The following MYH6 variants were observed in gnomAD, a reference collection of about 807,000 sequenced individuals.
MYH6 encodes myosin heavy chain 6.
In MYH6, 126 loss-of-function variants were observed where a neutral mutation model predicts 223.2. The observed-to-expected ratio is 0.56, with a 90% CI of 0.49 to 0.65. MYH6 has a LOEUF of 0.65. MYH6 is among the 30% of genes least tolerant of loss of function. The probability of loss-of-function intolerance (pLI) is 0.00; values close to 1 mark genes in which losing one functional copy is unlikely to be tolerated. For missense variants in MYH6, 2,040 were observed against 2,536.4 expected (o/e 0.80, Z 4.20); for synonymous variants, 978 against 1,010.2 (o/e 0.97, Z 0.61).
At position 23,394,177 on chromosome 14, in the gene MYH6, C is replaced by T; in HGVS notation, c.2576G>A (p.Gly859Glu). The T allele has an allele frequency of 6.2e-7, 1 of 1,614,228 alleles. No homozygotes were observed. Among genetic ancestry groups the T allele is most frequent in the Non-Finnish European group, 8.5e-7 (1 of 1,180,038 alleles). The change falls in exon 21 of 39, where the codon GGG becomes GAG. Residue 859 changes from glycine to glutamate, a missense_variant. By Grantham distance (98) the Gly-to-Glu change is moderately conservative. Around this residue, in one of 4 missense-constraint regions of MYH6, gnomAD observed 1,203 missense variants for 1,400.2 expected, o/e 0.86. Coordinates refer to ENST00000405093, the MANE Select transcript of MYH6 (RefSeq NM_002471.4). Reference protein sequence around the residue: ...KEMATMKEEFGRIKETLEKSE... With the variant: ...KEMATMKEEFERIKETLEKSE... The stretch of plus-strand genomic sequence containing the variant: ...CTTCTCCAGCGTCTCTTTGATGCGC[C>T]CGAACTCTTCCTTCATGGTGGCCAT...
Position 23,386,622 on chromosome 14 carries a change from G to A in MYH6, c.4652C>T (p.Ala1551Val), listed in dbSNP as rs1012836005. 6.2e-7 allele frequency: 1 copy of A among 1,608,366 alleles called. No homozygotes were observed. Among genetic ancestry groups the A allele is most frequent in the Non-Finnish European group, 8.5e-7 (1 of 1,176,028 alleles). ...CTTGCCCTCCTCGTGCTCCAGGGAG[G>A]CCTGGGAAGGGGTGGGGCGAGGGCG... ...ELQSALEEAEASLEHEEGKIL... is the reference protein window; with the variant it reads ...ELQSALEEAEVSLEHEEGKIL... The change falls in exon 33 of 39, where the codon GCC becomes GTC. Residue 1551 changes from alanine (A) to valine (V), a missense_variant and splice_region_variant. By Grantham distance (64) the Ala-to-Val change is moderately conservative. Coordinates refer to ENST00000405093, the MANE Select transcript of MYH6 (RefSeq NM_002471.4).
chr14:23,396,432 G>A lies in MYH6; in HGVS notation c.2293-12C>T, dbSNP rs115453571. On this transcript the variant is annotated splice_polypyrimidine_tract_variant and intron_variant, in intron 19 of 38. Transcript: ENST00000405093. ...GCCTTGAAGAACACCTGCAGGCAAG[G>A]GGTAGATGCAACAGGCCGCAGCCTC... is the stretch of plus-strand genomic sequence containing the variant. 5.0e-6 allele frequency: 8 copies of A among 1,613,330 alleles called. No individual in the cohort carries two copies. The African/African-American group carries it at 1.1e-4, about 21-fold the overall frequency.
intron 3 of MYH6, 88 bp downstream of exon 3, chr14:23,406,935 C>G: frequency 7.0e-7 from 1 of 1,436,418 alleles, no homozygotes. Flanking sequence ...TTCTCCAGCC[C>G]TCTCAGCTCC....
intron 7 of MYH6, 100 bp downstream of exon 7, chr14:23,404,611 G>T: frequency 8.1e-7 from 1 of 1,238,780 alleles, no homozygotes; most frequent in Non-Finnish European, 1.2e-6. Context: ...AGCTCAGTGT[G>T]GCTGTCCCCA....
intron 20 of MYH6, among the ~76,000 whole-genome samples, chr14:23,394,736 T>G (rs1390417100): frequency 1.3e-5 from 2 of 152,210 alleles, no homozygotes; most frequent in African/African-American, 4.8e-5. Context: ...CAGCCATTGA[T>G]CTACCTGTGC....
At position 23,393,928 on chromosome 14, in the gene MYH6, A is replaced by G. The variant is rs1289969263; in HGVS notation, c.2686-20T>C. ...TTGTTCCTGGGAGAAGAGAACAGGG[A>G]GGAAGCTGATGGTTAAAGAGAGGAG... On this transcript the variant is annotated intron_variant, in intron 21 of 38. Transcript: ENST00000405093. 1 of 1,614,010 alleles carries G rather than the reference A, an allele frequency of 6.2e-7. No individual in the cohort carries two copies.
At chr14:23,396,661 C>A in intron 19 of MYH6, 33 bp downstream of exon 19, 2 of 1,614,026 alleles carry the variant, frequency 1.2e-6, no homozygotes, top group Non-Finnish European at 1.7e-6. Flanking sequence ...TGGCCACCTG[C>A]CCTGCAACCA....
chr14:23,394,944 C>A (rs751099296), intron 20 of MYH6, among the ~76,000 whole-genome samples: 1 of 152,234 alleles, frequency 6.6e-6, no homozygotes, highest in Non-Finnish European at 1.5e-5. Context: ...CGGCTCACTG[C>A]AACCTCTGCC....
rs1890918376 is a variant in MYH6, at chr14:23,383,339, G to GGGGGGGGGGGCCCCC, written c.5566-20_5566-19insGGGGGCCCCCCCCCC. 9.2e-6 allele frequency: 1 copy of GGGGGGGGGGGCCCCC among 108,192 alleles called. No homozygotes were observed. Among genetic ancestry groups the GGGGGGGGGGGCCCCC allele is most frequent in the Non-Finnish European group, 1.8e-5 (1 of 54,376 alleles). 6.7% of individuals were successfully genotyped at this position (108,192 alleles called of 1,614,324 possible). A position where few individuals can be genotyped will look rare whatever the true frequency, so the allele number is the denominator to read the frequency against. ...CCTCTGTCTGGGGGTGGGAGGGTGGGAGAAGCTGGTTTGGAGGGGGAGCAA... is the reference window on the plus strand; with the variant it reads ...CCTCTGTCTGGGGGTGGGAGGGTGGGGGGGGGGGGGCCCCCAGAAGCTGGTTTGGAGGGGGAGCAA... On this transcript the variant is annotated intron_variant, in intron 36 of 38. Transcript: ENST00000405093.
chr14:23,403,526 G>T, intron 9 of MYH6, 80 bp from the exon 10 acceptor site: 1 of 1,287,282 alleles, frequency 7.8e-7, no homozygotes, highest in Non-Finnish European at 1.1e-6. Context: ...GGGGGCAGAG[G>T]GCAGGGGGCA....
chr14:23,403,162 G>A (rs2138616369), intron 10 of MYH6, among the ~76,000 whole-genome samples, 186 bp downstream of exon 10: 1 of 152,154 alleles, frequency 6.6e-6, no homozygotes, highest in East Asian at 1.9e-4. Context: ...GCACAGGGAG[G>A]CGAGAGGAGA....
At chr14:23,391,167 T>C (rs1891226421) in intron 25 of MYH6, among the ~76,000 whole-genome samples, 1 of 152,230 alleles carries the variant, frequency 6.6e-6, no homozygotes, top group African/African-American at 2.4e-5. Flanking sequence ...TTTGATCTGT[T>C]GTCTGGCTAG....
chr14:23,389,786 G>T (rs1891174962), intron 26 of MYH6, 67 bp from the exon 27 acceptor site: 1 of 1,612,474 alleles, frequency 6.2e-7, no homozygotes, highest in South Asian at 1.1e-5. Context: ...AGGAAGAGAG[G>T]GTCAGAGATG....
chr14:23,405,858 A>T lies in MYH6; in HGVS notation c.202-88T>A. The T allele has an allele frequency of 6.4e-7, 1 of 1,568,240 alleles. No individual in the cohort carries two copies. The highest frequency in any genetic ancestry group is 8.8e-7 in the Non-Finnish European group (1 of 1,139,648). ...CTGCCCACTGACCTCCTCCCAGGAC[A>T]CAGGGACTTGGCCTTGCTCCCCTTG... On this transcript the variant is annotated intron_variant, in intron 3 of 38. Transcript: ENST00000405093. This position sits in a 1 kb window ranked among gnomAD's most constrained non-coding sequence, Gnocchi z 4.7.
At chr14:23,393,085 T>G in intron 23 of MYH6, 28 bp from the exon 24 acceptor site, 1 of 1,613,976 alleles carries the variant, frequency 6.2e-7, no homozygotes, top group Non-Finnish European at 8.5e-7. Context: ...ATAAGCAAAG[T>G]GTGGAAAACA....
rs150015506 is a variant in MYH6 at position 23,404,807 on chromosome 14, C to T, written c.546G>A (p.Ala182=). ...QSILITGESG[A]GKTVNTKRVI... ...CACGCTTGGTGTTCACAGTCTTCCC[C>T]GCCCCGGATTCTCCCCTGGGGGCCA... Residue 182 remains alanine (A), a synonymous_variant, in exon 7 of 39, where the codon GCG becomes GCA. Coordinates refer to ENST00000405093, the MANE Select transcript of MYH6 (RefSeq NM_002471.4). 6.4e-5 allele frequency: 103 copies of T among 1,613,988 alleles called. No individual in the cohort carries two copies. Among genetic ancestry groups the T allele is most frequent in the African/African-American group, 9.3e-5 (7 of 74,878 alleles).
At chr14:23,383,180 A>G in intron 37 of MYH6, 45 bp downstream of exon 37, 4 of 1,503,964 alleles carry the variant, frequency 2.7e-6, no homozygotes, top group Non-Finnish European at 2.8e-6. Context: ...GTTCTCACAA[A>G]TAGTAGGTGT....
rs1891636570 is a variant in MYH6, at chr14:23,402,552, G to T, written c.1053C>A (p.Tyr351Ter). Residue 351 changes from tyrosine (Y) to a stop codon, truncating the protein, a stop_gained, in exon 12 of 39, where the codon TAC (tyrosine) becomes TAA (stop). Transcript: ENST00000405093. LOFTEE classifies it high-confidence loss of function. ...GFTSEEKAGV[Y>*]KLTGAIMHYG... is the part of the protein sequence containing the mutation. Reference sequence around the variant, plus strand: ...AGTGCATGATGGCTCCCGTCAGCTTGTAGACGCCAGCTTTCTCCTCTGAAG... The same window carrying T: ...AGTGCATGATGGCTCCCGTCAGCTTTTAGACGCCAGCTTTCTCCTCTGAAG... 1 of 1,613,760 alleles carries T rather than the reference G, an allele frequency of 6.2e-7. No individual in the cohort carries two copies. Among genetic ancestry groups the T allele is most frequent in the East Asian group, 2.2e-5 (1 of 44,776 alleles).
At chr14:23,392,730 T>C (rs1891271473) in intron 24 of MYH6, 78 bp from the exon 25 acceptor site, 2 of 1,451,482 alleles carry the variant, frequency 1.4e-6, no homozygotes, top group Non-Finnish European at 1.9e-6. Context: ...TTGGCCTTAG[T>C]ATGCCAGAAT....
Sources: allele counts gnomAD v4.1 joint callset (sites outside exome capture counted in the v4.1 genomes callset), GRCh38; gene constraint gnomAD v4.1.1; regional missense constraint gnomAD v4.1.1; non-coding constraint Gnocchi (gnomAD v3.1); transcripts MANE v1.5; gene names NCBI Gene and HGNC (gene_info 2026-07-23, HGNC 2026-07-21).